Variants in SYCP1 observed in about 807,000 individuals in gnomAD.
The protein encoded by SYCP1 is cancer/testis antigen 8.
Under a neutral mutation model 153.1 loss-of-function variants are expected in SYCP1, and 64 were observed. That is an observed-to-expected ratio of 0.42 (90% confidence interval 0.34 to 0.51). The LOEUF (loss-of-function observed/expected upper bound fraction) is 0.51. Among genes scored for constraint, SYCP1 ranks in the 20% least tolerant of loss-of-function variants. SYCP1 has a pLI of 0.06. For synonymous variants in SYCP1, 384 were observed against 341.8 expected (o/e 1.12, Z -1.36); for missense variants, 997 against 1,049.0 (o/e 0.95, Z 0.68).
chr1:114,987,654 G>C (rs1673605746), intron 30 of SYCP1, among the ~76,000 whole-genome samples: 1 of 151,944 alleles, frequency 6.6e-6, no homozygotes, highest in South Asian at 2.1e-4. Flanking sequence ...GACAGAGTGA[G>C]ACCTTGTCTC....
At chr1:114,936,726 T>G (rs763567221) in intron 23 of SYCP1, among the ~76,000 whole-genome samples, 37 of 152,194 alleles carry the variant, frequency 2.4e-4, no homozygotes, top group Non-Finnish European at 1.3e-4. Context: ...AAAATCAATG[T>G]GCAAAAATCA....
At chr1:114,949,034 G>A (rs1339051270) in intron 27 of SYCP1, among the ~76,000 whole-genome samples, 2 of 152,152 alleles carry the variant, frequency 1.3e-5, no homozygotes, top group African/African-American at 4.8e-5. Context: ...TAGGCTTGTG[G>A]CTCAATCAAA....
rs754282950 is a variant in SYCP1 at position 114,983,225 on chromosome 1, C to T, written c.2560-1500C>T. Among the ~76,000 whole-genome samples the T allele has an allele frequency of 1.3e-4, 20 of 152,072 alleles. No homozygotes were observed. The East Asian group carries it at 2.0e-3, about 15-fold the overall frequency. On this transcript the variant is annotated intron_variant, in intron 29 of 31. Coordinates refer to ENST00000369522, the MANE Select transcript of SYCP1 (RefSeq NM_003176.4). ...GCCTATAGATAGCCCTACACATATG[C>T]GTGGCCTTCTATATTTCCAGGAATA...
At chr1:114,857,156 A>AAAAAAAAAAAAAAAAAAAAC in intron 3 of SYCP1, 76 bp from the exon 4 acceptor site, 3 of 919,342 alleles carry the variant, frequency 3.3e-6, no homozygotes, top group Non-Finnish European at 3.1e-6. Context: ...AAAAAAAAAA[A>AAAAAAAAAAAAAAAAAAAAC]AGAGAAAAAA....
intron 27 of SYCP1, among the ~76,000 whole-genome samples, chr1:114,961,670 G>A (rs1671787798): frequency 6.6e-6 from 1 of 152,130 alleles, no homozygotes; most frequent in African/African-American, 2.4e-5. Flanking sequence ...TTTTGGAGTT[G>A]ATTTCCAATT....
chr1:114,907,386 T>C (rs1667879622), intron 16 of SYCP1, among the ~76,000 whole-genome samples: 1 of 152,194 alleles, frequency 6.6e-6, no homozygotes, highest in African/African-American at 2.4e-5. Context: ...CTCCTTTGTT[T>C]TGTTCCTCTT....
At position 114,923,520 on chromosome 1, in the gene SYCP1, G is replaced by C; in HGVS notation, c.1790G>C (p.Ser597Thr). The change falls in exon 21 of 32, where the codon AGT becomes ACT. Residue 597 changes from serine to threonine, a missense_variant. Physicochemically the swap from Ser to Thr is moderately conservative, Grantham distance 58. Around this residue, in one of 2 missense-constraint regions of SYCP1, gnomAD observed 712 missense variants for 682.9 expected, o/e 1.04. Coordinates refer to ENST00000369522, the MANE Select transcript of SYCP1 (RefSeq NM_003176.4). The stretch of plus-strand genomic sequence containing the variant: ...GAAGTTAAATGTAAATTGGACAAGA[G>C]TGAAGAAAATGTATGTTATATTTAA... ...RDEVKCKLDK[S>T]EENCNNLRKQ... is the part of the protein sequence containing the mutation. 1 of 1,587,466 alleles carries C rather than the reference G, an allele frequency of 6.3e-7. No individual in the cohort carries two copies. The highest frequency in any genetic ancestry group is 1.7e-5 in the Admixed American group (1 of 57,926).
At position 114,856,604 on chromosome 1, in the gene SYCP1, A is replaced by G; in HGVS notation, c.140A>G (p.Glu47Gly). Residue 47 changes from glutamate to glycine, a missense_variant, in exon 3 of 32, where the codon GAG becomes GGG. By Grantham distance (98) the Glu-to-Gly change is moderately conservative. This residue lies in a region of SYCP1 where 285 missense variants were observed against 366.1 expected (regional missense o/e 0.78). Transcript: ENST00000369522. ...SFNKCTEDDF[E>G]FPFAKTNLSK... ...AACAAATGTACTGAAGATGATTTTGAGTTTCCATTTGCAAAGACTAATCTC... is the reference window on the plus strand; with the variant it reads ...AACAAATGTACTGAAGATGATTTTGGGTTTCCATTTGCAAAGACTAATCTC... The G allele has an allele frequency of 6.2e-7, 1 of 1,611,958 alleles. No individual in the cohort carries two copies. Among genetic ancestry groups the G allele is most frequent in the Admixed American group, 1.7e-5 (1 of 59,624 alleles).
rs191271887 is a variant in SYCP1 at position 114,942,043 on chromosome 1, G to C, written c.1927-2296G>C. Among the ~76,000 whole-genome samples, 25 of 152,108 alleles carry C rather than the reference G, an allele frequency of 1.6e-4. No homozygotes were observed. In the East Asian group the frequency reaches 4.4e-3, roughly 27 times the overall value. On this transcript the variant is annotated intron_variant, in intron 23 of 31. Transcript: ENST00000369522. ...AATTGATGAAAGACCTGAATTCACA[G>C]ATATAGAAAGAGAAATTTATACCAA...
intron 30 of SYCP1, among the ~76,000 whole-genome samples, chr1:114,991,581 A>C (rs1236789839): frequency 6.6e-6 from 1 of 151,872 alleles, no homozygotes; most frequent in Non-Finnish European, 1.5e-5. Flanking sequence ...ATGCAAAAAA[A>C]GGTACCTGGC....
chr1:114,924,094 C>T (rs937041556), intron 21 of SYCP1, among the ~76,000 whole-genome samples: 4 of 151,926 alleles, frequency 2.6e-5, no homozygotes, highest in African/African-American at 9.7e-5. Context: ...CTGGGTGTTA[C>T]GTTTGGATTT....
chr1:114,867,768 G>A (rs1345437908), intron 8 of SYCP1, among the ~76,000 whole-genome samples: 2 of 149,026 alleles, frequency 1.3e-5, no homozygotes, highest in Non-Finnish European at 3.0e-5. Flanking sequence ...TTGTTTTATT[G>A]TATTAATTAA....
At chr1:114,984,676 T>G (rs1179926202) in intron 29 of SYCP1, 49 bp from the exon 30 acceptor site, 1 of 1,249,202 alleles carries the variant, frequency 8.0e-7, no homozygotes, top group East Asian at 2.9e-5. Context: ...TTATTAATAA[T>G]GCATATTTTA....
At chr1:114,860,915 A>G in intron 8 of SYCP1, 106 bp downstream of exon 8, 2 of 755,360 alleles carry the variant, frequency 2.6e-6, no homozygotes. Flanking sequence ...TTTGATTTGA[A>G]CAAATTATAT....
chr1:114,887,374 T>G (rs946790019), intron 14 of SYCP1, among the ~76,000 whole-genome samples: 3 of 151,944 alleles, frequency 2.0e-5, no homozygotes, highest in African/African-American at 7.2e-5. Flanking sequence ...AAGAGAAAAC[T>G]TATACCATAA....
At chr1:114,958,859 G>A (rs1356309458) in intron 27 of SYCP1, among the ~76,000 whole-genome samples, 1 of 151,474 alleles carries the variant, frequency 6.6e-6, no homozygotes, top group African/African-American at 2.4e-5. Context: ...GAACCTGGGA[G>A]GTGGAGCTTG....
chr1:114,915,922 C>T (rs1668481958), intron 20 of SYCP1, among the ~76,000 whole-genome samples: 1 of 152,150 alleles, frequency 6.6e-6, no homozygotes, highest in African/African-American at 2.4e-5. Flanking sequence ...CCTGTTGTCC[C>T]GCCTGCCTGC....
chr1:114,975,983 G>A (rs1007031184), intron 27 of SYCP1, among the ~76,000 whole-genome samples: 18 of 151,656 alleles, frequency 1.2e-4, no homozygotes, highest in Non-Finnish European at 2.2e-4. Flanking sequence ...GGTTCCATGG[G>A]CTCACCATGA....
upstream of SYCP1, among the ~76,000 whole-genome samples, chr1:114,854,513 C>T (rs1663805000): frequency 6.6e-6 from 1 of 152,220 alleles, no homozygotes. Flanking sequence ...TCTCCTGACT[C>T]CCCAAGCCAC....
Sources: allele counts gnomAD v4.1 joint callset (sites outside exome capture counted in the v4.1 genomes callset), GRCh38; gene constraint gnomAD v4.1.1; regional missense constraint gnomAD v4.1.1; transcripts MANE v1.5; gene names NCBI Gene and HGNC (gene_info 2026-07-23, HGNC 2026-07-21).